RPL28: variants seen among roughly 807,000 people sequenced by gnomAD.
RPL28 encodes ribosomal protein L28, also known as large ribosomal subunit protein eL28.
A neutral mutation model predicts 12.5 loss-of-function variants in RPL28; 4 were observed. The observed-to-expected ratio is 0.32, with a 90% CI of 0.16 to 0.73. The LOEUF is 0.73. Among genes scored for constraint, RPL28 ranks in the 30% least tolerant of loss-of-function variants. RPL28 has a pLI of 0.66. For missense variants in RPL28, 214 were observed against 197.7 expected (o/e 1.08, Z -0.49); for synonymous variants, 91 against 72.5 (o/e 1.26, Z -1.30).
chr19:55,389,059 C>G lies in RPL28; in HGVS notation c.*727C>G, dbSNP rs1600304596. On this transcript the variant is annotated 3_prime_UTR_variant, in exon 5 of 5. Coordinates refer to ENST00000344063, the MANE Select transcript of RPL28 (RefSeq NM_000991.5). ...ATCTCAGTGGCCGCTCCTGGGCCAC[C>G]CTGTCACCCAAGCTTTCCTGATTGC... is the stretch of plus-strand genomic sequence containing the variant. The G allele has an allele frequency of 1.0e-6, 1 of 985,416 alleles. No individual in the cohort carries two copies. The highest frequency in any genetic ancestry group is 1.2e-6 in the Non-Finnish European group (1 of 830,014). The allele number at this position is 985,416 out of a possible 1,614,324, so 61.0% of individuals were successfully genotyped here.
At position 55,391,726 on chromosome 19, in the gene RPL28, C is replaced by T; in HGVS notation, c.*3394C>T. The T allele has an allele frequency of 1.3e-6, 2 of 1,508,536 alleles. No individual in the cohort carries two copies. Among genetic ancestry groups the T allele is most frequent in the Non-Finnish European group, 1.8e-6 (2 of 1,115,174 alleles). 93.4% of individuals were successfully genotyped at this position (1,508,536 alleles called of 1,614,324 possible). On this transcript the variant is annotated 3_prime_UTR_variant, in exon 5 of 5. Coordinates refer to ENST00000344063, the MANE Select transcript of RPL28 (RefSeq NM_000991.5). ...AATGTGCAAAACCTGCTTGACTGTG[C>T]CCACAAATCCTGATTGTAGGAATAA...
Position 55,389,070 on chromosome 19 carries a change from A to G in RPL28, c.*738A>G, listed in dbSNP as rs2089964404. 7 of 985,414 alleles carry G rather than the reference A, an allele frequency of 7.1e-6. No individual in the cohort carries two copies. The highest frequency in any genetic ancestry group is 7.0e-5 in the African/African-American group (4 of 57,208). The allele number at this position is 985,414 out of a possible 1,614,324, so 61.0% of individuals were successfully genotyped here. ...CGCTCCTGGGCCACCCTGTCACCCAAGCTTTCCTGATTGCCCAGCCCTCTT... is the reference window on the plus strand; with the variant it reads ...CGCTCCTGGGCCACCCTGTCACCCAGGCTTTCCTGATTGCCCAGCCCTCTT... On this transcript the variant is annotated 3_prime_UTR_variant, in exon 5 of 5. Coordinates refer to ENST00000344063, the MANE Select transcript of RPL28 (RefSeq NM_000991.5).
chr19:55,388,442 G>A lies in RPL28; in HGVS notation c.*110G>A. ...TCTGGCCCTGTGTGTTGTCATTCAG[G>A]CCATGTCATCAAAACTCTGCATGTC... On this transcript the variant is annotated 3_prime_UTR_variant, in exon 5 of 5. Transcript: ENST00000344063. The A allele has an allele frequency of 7.3e-7, 1 of 1,362,636 alleles. No individual in the cohort carries two copies. Among genetic ancestry groups the A allele is most frequent in the Non-Finnish European group, 9.5e-7 (1 of 1,052,362 alleles). 84.4% of individuals were successfully genotyped at this position (1,362,636 alleles called of 1,614,324 possible). A position where few individuals can be genotyped will look rare whatever the true frequency, so the allele number is the denominator to read the frequency against.
In RPL28 at chr19:55,389,526, A is replaced by G; in HGVS notation, c.*1194A>G. On this transcript the variant is annotated 3_prime_UTR_variant, in exon 5 of 5. Coordinates refer to ENST00000344063, the MANE Select transcript of RPL28 (RefSeq NM_000991.5). ...AGGACTCTGCTCCCTGTCTGAGACC[A>G]CCCCCGGCTCTGACTGAGAGTAAGG... The G allele has an allele frequency of 1.0e-6, 1 of 985,128 alleles. No individual in the cohort carries two copies. Among genetic ancestry groups the G allele is most frequent in the Non-Finnish European group, 1.2e-6 (1 of 829,892 alleles). The allele number at this position is 985,128 out of a possible 1,614,324, so 61.0% of individuals were successfully genotyped here.
chr19:55,388,697 G>GCTGGGCC lies in RPL28; in HGVS notation c.*377_*383dup, dbSNP rs1169024850. ...TAGCCCAGAAGGGTGCAGGCTGAGGGCTGGGCCCTGGGCCCTGGTGCTGTA... is the reference window on the plus strand; with the variant it reads ...TAGCCCAGAAGGGTGCAGGCTGAGGGCTGGGCCCTGGGCCCTGGGCCCTGGTGCTGTA... On this transcript the variant is annotated 3_prime_UTR_variant, in exon 5 of 5. Coordinates refer to ENST00000344063, the MANE Select transcript of RPL28 (RefSeq NM_000991.5). 7.6e-6 allele frequency: 8 copies of GCTGGGCC among 1,057,168 alleles called. No individual in the cohort carries two copies. In the East Asian group the frequency reaches 2.7e-4, roughly 36 times the overall value. 65.5% of individuals were successfully genotyped at this position (1,057,168 alleles called of 1,614,324 possible).
In RPL28 at chr19:55,386,365, C is replaced by T; in HGVS notation, c.8C>T (p.Ala3Val). 3 of 1,613,998 alleles carry T rather than the reference C, an allele frequency of 1.9e-6. No individual in the cohort carries two copies. The highest frequency in any genetic ancestry group is 1.1e-5 in the South Asian group (1 of 91,056). Residue 3 changes from alanine (A) to valine (V), a missense_variant, in exon 2 of 5, where the codon GCG (alanine) becomes GTG (valine). Ala to Val is a moderately conservative substitution (Grantham distance 64, BLOSUM62 0). Coordinates refer to ENST00000344063, the MANE Select transcript of RPL28 (RefSeq NM_000991.5). MS[A>V]HLQWMVVRNC... ...TTCCCCGCAGCCGCCGCCATGTCTG[C>T]GCATCTGCAATGGATGGTCGTGCGG... is the stretch of plus-strand genomic sequence containing the variant.
Position 55,391,671 on chromosome 19 carries a change from C to T in RPL28, c.*3339C>T, listed in dbSNP as rs1278174739. On this transcript the variant is annotated 3_prime_UTR_variant, in exon 5 of 5. Coordinates refer to ENST00000344063, the MANE Select transcript of RPL28 (RefSeq NM_000991.5). ...CATCTGTAACATGCGTGTCGATAGA[C>T]CCTACTACTCAGGGTTGATGAGAAG... 2 of 1,544,778 alleles carry T rather than the reference C, an allele frequency of 1.3e-6. No individual in the cohort carries two copies. The highest frequency in any genetic ancestry group is 8.8e-7 in the Non-Finnish European group (1 of 1,140,834).
rs1569043633 is a variant in RPL28 at position 55,391,760 on chromosome 19, CTT to C, written c.*3432_*3433del. The C allele has an allele frequency of 6.7e-7, 1 of 1,485,970 alleles. No homozygotes were observed. The highest frequency in any genetic ancestry group is 9.0e-7 in the Non-Finnish European group (1 of 1,105,622). 92.0% of individuals were successfully genotyped at this position (1,485,970 alleles called of 1,614,324 possible). On this transcript the variant is annotated 3_prime_UTR_variant, in exon 5 of 5. Coordinates refer to ENST00000344063, the MANE Select transcript of RPL28 (RefSeq NM_000991.5). ...CCTGATTGTAGGAATAAATTAATGA[CTT>C]TTTATAAATATTTTGATCAGATGGA...
chr19:55,401,290 C>G (rs1041748378), intron 4 of RPL28: 79 of 912,176 alleles, frequency 8.7e-5, no homozygotes, highest in Admixed American at 2.5e-4. Context: ...AGCTGCTTTT[C>G]CAACTTTATT....
chr19:55,394,836 C>T (rs1212241632), downstream of RPL28, among the ~76,000 whole-genome samples: 2 of 151,860 alleles, frequency 1.3e-5, no homozygotes, highest in Non-Finnish European at 2.9e-5. Context: ...GGATTATAGG[C>T]GTGAGCCACT....
At position 55,389,477 on chromosome 19, in the gene RPL28, A is replaced by G. The variant is rs2089968812; in HGVS notation, c.*1145A>G. 1.0e-6 allele frequency: 1 copy of G among 985,278 alleles called. No individual in the cohort carries two copies. The highest frequency in any genetic ancestry group is 6.2e-5 in the Admixed American group (1 of 16,252). The allele number at this position is 985,278 out of a possible 1,614,324, so 61.0% of individuals were successfully genotyped here. Reference sequence around the variant, plus strand: ...ATCCATGGCACCCCTGGTTCCTGCCATCCTGGGGTACCCGATTCAAAGAAG... The same window carrying G: ...ATCCATGGCACCCCTGGTTCCTGCCGTCCTGGGGTACCCGATTCAAAGAAG... On this transcript the variant is annotated 3_prime_UTR_variant, in exon 5 of 5. Coordinates refer to ENST00000344063, the MANE Select transcript of RPL28 (RefSeq NM_000991.5).
chr19:55,398,931 A>G (rs1420026394), intron 4 of RPL28, among the ~76,000 whole-genome samples: 1 of 152,072 alleles, frequency 6.6e-6, no homozygotes, highest in Non-Finnish European at 1.5e-5. Flanking sequence ...TGAACTCCCA[A>G]CGTGAAGTGG....
Position 55,391,554 on chromosome 19 carries a change from G to A in RPL28, c.*3222G>A, listed in dbSNP as rs981475484. On this transcript the variant is annotated 3_prime_UTR_variant, in exon 5 of 5. Coordinates refer to ENST00000344063, the MANE Select transcript of RPL28 (RefSeq NM_000991.5). Reference sequence around the variant, plus strand: ...GGACTGAGGCATCCTCTGTTCACAGGACATGCTGGCATCTACTGGGTCAGG... The same window carrying A: ...GGACTGAGGCATCCTCTGTTCACAGAACATGCTGGCATCTACTGGGTCAGG... The A allele has an allele frequency of 6.5e-7, 1 of 1,533,212 alleles. No individual in the cohort carries two copies. The highest frequency in any genetic ancestry group is 1.4e-5 in the African/African-American group (1 of 72,890). The allele number at this position is 1,533,212 out of a possible 1,614,324, so 95.0% of individuals were successfully genotyped here.
At chr19:55,387,470 C>T (rs2089943574) in intron 3 of RPL28, 14 of 1,476,462 alleles carry the variant, frequency 9.5e-6, no homozygotes, top group Non-Finnish European at 1.3e-5. Context: ...GCTTTCACCT[C>T]TTGGATTGCC....
In RPL28 at chr19:55,387,253, G is replaced by A. The variant is rs954206341; in HGVS notation, c.205+560G>A. Reference sequence around the variant, plus strand: ...CTAATGGAGGAGTCCAGCTTCACATGTGTTCTTGACAGGGCTGTATTTTCT... The same window carrying A: ...CTAATGGAGGAGTCCAGCTTCACATATGTTCTTGACAGGGCTGTATTTTCT... On this transcript the variant is annotated intron_variant, in intron 3 of 4. Transcript: ENST00000344063. 8.4e-6 allele frequency: 13 copies of A among 1,543,952 alleles called. No homozygotes were observed. The African/African-American group carries it at 1.4e-4, about 16-fold the overall frequency.
intron 4 of RPL28, among the ~76,000 whole-genome samples, chr19:55,402,528 AACTGGCC>A (rs917845234): frequency 3.3e-5 from 5 of 152,206 alleles, no homozygotes; most frequent in African/African-American, 1.2e-4. Flanking sequence ...GGTCTGGGCA[AACTGGCC>A]ACAGCAGTTT....
rs2089994084 is a variant in RPL28 at position 55,391,947 on chromosome 19, C to T, written c.*3615C>T. On this transcript the variant is annotated 3_prime_UTR_variant, in exon 5 of 5. Coordinates refer to ENST00000344063, the MANE Select transcript of RPL28 (RefSeq NM_000991.5). ...CCTGTGGGGCTGTGAGCTTTCCCAG[C>T]CTCCTGCCCGTGTTTGTGAATATCA... 1.6e-6 allele frequency: 2 copies of T among 1,241,438 alleles called. No individual in the cohort carries two copies. Among genetic ancestry groups the T allele is most frequent in the African/African-American group, 3.1e-5 (2 of 65,046 alleles). The allele number at this position is 1,241,438 out of a possible 1,614,324, so 76.9% of individuals were successfully genotyped here.
downstream of RPL28, among the ~76,000 whole-genome samples, chr19:55,395,638 T>C (rs2090017128): frequency 6.6e-6 from 1 of 150,988 alleles, no homozygotes; most frequent in Non-Finnish European, 1.5e-5. Context: ...AGACATGGGG[T>C]TTCACTGTGT....
rs2089972169 is a variant in RPL28, at chr19:55,389,747, G to A, written c.*1415G>A. On this transcript the variant is annotated 3_prime_UTR_variant, in exon 5 of 5. Coordinates refer to ENST00000344063, the MANE Select transcript of RPL28 (RefSeq NM_000991.5). ...CATTTCCTTTGTCCTTCCCTTAGTT[G>A]GGTCTATTAGCTCAGATTGAGAGGT... 1 of 985,450 alleles carries A rather than the reference G, an allele frequency of 1.0e-6. No individual in the cohort carries two copies. The highest frequency in any genetic ancestry group is 1.2e-6 in the Non-Finnish European group (1 of 830,066). 61.0% of individuals were successfully genotyped at this position (985,450 alleles called of 1,614,324 possible).
Sources: gnomAD v4.1 joint callset for allele counts (sites outside exome capture counted in the v4.1 genomes callset) on GRCh38, gnomAD v4.1.1 for gene constraint, MANE v1.5 for transcripts, NCBI Gene and HGNC (gene_info 2026-07-23, HGNC 2026-07-21) for gene names.